Variants in ZBTB37 observed in about 807,000 individuals in gnomAD.
ZBTB37 encodes the protein zinc finger and BTB domain containing 37, also known as zinc finger and BTB domain-containing protein 37.
Under a neutral mutation model 37.7 loss-of-function variants are expected in ZBTB37, and 15 were observed. The ratio of observed to expected loss-of-function variants is 0.40; its 90% CI spans 0.27 to 0.61. The LOEUF (loss-of-function observed/expected upper bound fraction) is 0.61. Ranked by LOEUF, ZBTB37 falls within the 20% of genes least tolerant of loss-of-function variation. The pLI is 0.44. For missense variants in ZBTB37, 514 were observed against 641.9 expected, an observed-to-expected ratio of 0.80 and a Z score of 2.15; for synonymous variants, 231 against 220.6, an observed-to-expected ratio of 1.05 and a Z score of -0.42.
exon 4 of ZBTB37, chr1:173,897,949 T>TC (rs1491285477): frequency 1.3e-5 from 2 of 152,130 alleles, no homozygotes; most frequent in East Asian, 1.9e-4. Flanking sequence ...TGCTTTTTTT[T>TC]CTCTCTCTGT....
chr1:173,892,492 C>T lies in ZBTB37; in HGVS notation c.*6368C>T, dbSNP rs1168486265. 1.4e-4 allele frequency: 21 copies of T among 152,134 alleles called. 1 individual carries two copies. The highest frequency in any genetic ancestry group is 1.3e-3 in the Admixed American group (20 of 15,272). The allele number at this position is 152,134 out of a possible 1,614,324, so 9.4% of individuals were successfully genotyped here. ...GTTAGATATTATGAATACTTTGAAA[C>T]ATCTGAATATGTTACATTCCAAAGT... is the stretch of plus-strand genomic sequence containing the variant. On this transcript the variant is annotated 3_prime_UTR_variant, in exon 4 of 4. Coordinates refer to the ZBTB37 transcript ENST00000367701.
chr1:173,875,151 T>C (rs867752671), intron 4 of ZBTB37, among the ~76,000 whole-genome samples: 4 of 115,596 alleles, frequency 3.5e-5, no homozygotes, highest in African/African-American at 1.7e-4. Flanking sequence ...TGTGTGTGTG[T>C]GTGTGTGTGC....
chr1:173,874,251 G>A (rs1407916773), intron 4 of ZBTB37, among the ~76,000 whole-genome samples: 12 of 115,798 alleles, frequency 1.0e-4, no homozygotes, highest in Admixed American at 6.9e-4. Context: ...GTGAAACTCC[G>A]TCTCAAAAAA....
At chr1:173,881,381 C>T (rs1656294802) in intron 4 of ZBTB37, among the ~76,000 whole-genome samples, 1 of 152,184 alleles carries the variant, frequency 6.6e-6, no homozygotes, top group Non-Finnish European at 1.5e-5. Context: ...GGTTCCAAGT[C>T]TTTGCTATTG....
intron 4 of ZBTB37, among the ~76,000 whole-genome samples, chr1:173,876,326 C>CT (rs947067787): frequency 7.4e-5 from 11 of 149,038 alleles, no homozygotes; most frequent in South Asian, 2.1e-4. Context: ...ATTATTATTA[C>CT]TTTTTTTTTT....
At chr1:173,873,357 G>T in intron 3 of ZBTB37, 110 bp from the exon 4 acceptor site, 2 of 1,097,432 alleles carry the variant, frequency 1.8e-6, no homozygotes, top group South Asian at 1.9e-5. Context: ...TTTGTTGCTT[G>T]GTTTGTTCCC....
intron 4 of ZBTB37, among the ~76,000 whole-genome samples, chr1:173,881,781 G>A (rs56382804): frequency 6.6e-6 from 1 of 152,032 alleles, no homozygotes; most frequent in Non-Finnish European, 1.5e-5. Context: ...TCGGCCGGGC[G>A]TGGTGGCTCA....
chr1:173,883,619 T>G (rs1206491239), intron 4 of ZBTB37, among the ~76,000 whole-genome samples: 1 of 152,238 alleles, frequency 6.6e-6, no homozygotes, highest in Non-Finnish European at 1.5e-5. Flanking sequence ...CCCAAGACCT[T>G]TAGTGGGATG....
chr1:173,883,663 T>A (rs138187588), intron 4 of ZBTB37, among the ~76,000 whole-genome samples: 243 of 152,328 alleles, frequency 1.6e-3, no homozygotes, highest in Admixed American at 0.01. Flanking sequence ...CAGTTTTTTT[T>A]ATCCAGGGAA....
downstream of ZBTB37, chr1:173,887,372 C>T (rs1343382229): frequency 2.6e-5 from 4 of 152,136 alleles, no homozygotes; most frequent in East Asian, 1.9e-4. Context: ...AAGAGCTTTG[C>T]TTTTTAATAA....
exon 3 of ZBTB37, chr1:173,870,287 A>G: frequency 6.2e-7 from 1 of 1,614,232 alleles, no homozygotes; most frequent in Non-Finnish European, 8.5e-7. Context: ...GTCCTGAGCC[A>G]TCTAAACCAG....
At chr1:173,899,193 C>G (rs927964960) in exon 4 of ZBTB37, 1 of 151,968 alleles carries the variant, frequency 6.6e-6, no homozygotes, top group African/African-American at 2.4e-5. Context: ...TTTACCACGA[C>G]TATTTTTTTT....
chr1:173,869,849 A>G (rs561681068), intron 2 of ZBTB37, among the ~76,000 whole-genome samples: 1 of 152,336 alleles, frequency 6.6e-6, no homozygotes, highest in East Asian at 1.9e-4. Flanking sequence ...GAGATGTTAT[A>G]TTCAGTCTGC....
At chr1:173,877,002 ATACTG>A (rs1391083247) in intron 4 of ZBTB37, among the ~76,000 whole-genome samples, 2 of 152,212 alleles carry the variant, frequency 1.3e-5, no homozygotes, top group Non-Finnish European at 2.9e-5. Context: ...ACTGTACTGA[ATACTG>A]TAGGCAGTTA....
chr1:173,900,931 T>C (rs1482851573), exon 4 of ZBTB37: 1 of 152,258 alleles, frequency 6.6e-6, no homozygotes, highest in Non-Finnish European at 1.5e-5. Context: ...TGTTGAACTT[T>C]ATGCAAATTA....
At chr1:173,892,984 T>G (rs1255362190) in exon 4 of ZBTB37, 2 of 152,168 alleles carry the variant, frequency 1.3e-5, no homozygotes, top group Middle Eastern at 3.2e-3. Flanking sequence ...CTCACTGCAA[T>G]CTCCACCTCC....
At chr1:173,880,518 T>C (rs1656235492) in intron 4 of ZBTB37, among the ~76,000 whole-genome samples, 1 of 152,196 alleles carries the variant, frequency 6.6e-6, no homozygotes, top group African/African-American at 2.4e-5. Flanking sequence ...TATGGAGTAA[T>C]TCATTAAGAA....
chr1:173,875,658 G>C (rs1210160495), intron 4 of ZBTB37, among the ~76,000 whole-genome samples: 1 of 151,616 alleles, frequency 6.6e-6, no homozygotes, highest in Non-Finnish European at 1.5e-5. Flanking sequence ...AATTGCTTAT[G>C]CTTTTTTTTT....
chr1:173,896,046 A>G (rs1375774597), exon 4 of ZBTB37: 1 of 152,202 alleles, frequency 6.6e-6, no homozygotes, highest in Non-Finnish European at 1.5e-5. Context: ...GGCCTTAGCA[A>G]TTACAAATAC....
Sources: gnomAD v4.1 joint callset for allele counts (sites outside exome capture counted in the v4.1 genomes callset) on GRCh38, gnomAD v4.1.1 for gene constraint, MANE v1.5 for transcripts, NCBI Gene and HGNC (gene_info 2026-07-23, HGNC 2026-07-21) for gene names.